Variants in SPAG17 observed in about 807,000 individuals in gnomAD.
The protein encoded by SPAG17 is sperm-associated antigen 17.
SPAG17 carries 169 observed loss-of-function variants against 273.6 expected under a neutral mutation model. That is an observed-to-expected ratio of 0.62 (90% CI 0.55 to 0.70). SPAG17 has a LOEUF of 0.70. SPAG17 is among the 30% of genes least tolerant of loss of function. The pLI is 0.00. For missense variants in SPAG17, 2,557 were observed against 2,627.8 expected, an observed-to-expected ratio of 0.97 and a Z score of 0.59; for synonymous variants, 825 against 873.2, an observed-to-expected ratio of 0.94 and a Z score of 0.97.
chr1:118,146,738 AT>A (rs1659015229), intron 3 of SPAG17, among the ~76,000 whole-genome samples: 1 of 152,194 alleles, frequency 6.6e-6, no homozygotes, highest in South Asian at 2.1e-4. Context: ...ACTTGGTGCT[AT>A]AGGTTTACCT....
In SPAG17 at chr1:118,111,636, C is replaced by CTG. The variant is rs577774980; in HGVS notation, c.447+3672_447+3673dup. Among the ~76,000 whole-genome samples, 18 of 149,128 alleles carry CTG rather than the reference C, an allele frequency of 1.2e-4. No individual in the cohort carries two copies. In the South Asian group the frequency reaches 3.8e-3, roughly 31 times the overall value. On this transcript the variant is annotated intron_variant, in intron 4 of 48. Coordinates refer to ENST00000336338, the MANE Select transcript of SPAG17 (RefSeq NM_206996.4). Reference sequence around the variant, plus strand: ...GGTTTCCAGTGTTTCGGAGTTTGGACTGGAGGAAGCTGGAAGGTGTCTGTG... The same window carrying CTG: ...GGTTTCCAGTGTTTCGGAGTTTGGACTGTGGAGGAAGCTGGAAGGTGTCTGTG...
At chr1:118,025,477 T>C (rs1647638230) in intron 26 of SPAG17, 61 bp from the exon 27 acceptor site, 2 of 1,156,214 alleles carry the variant, frequency 1.7e-6, no homozygotes, top group Admixed American at 2.7e-5. Context: ...GATTTTATCA[T>C]CTTGCTTAAT....
chr1:118,160,750 T>C (rs1018276192), intron 1 of SPAG17, among the ~76,000 whole-genome samples: 4 of 152,210 alleles, frequency 2.6e-5, no homozygotes, highest in African/African-American at 9.7e-5. Flanking sequence ...TCTCATAATA[T>C]CCCTAATATC....
intron 20 of SPAG17, among the ~76,000 whole-genome samples, chr1:118,043,432 A>C (rs1450912780): frequency 6.6e-6 from 1 of 152,202 alleles, no homozygotes; most frequent in African/African-American, 2.4e-5. Flanking sequence ...AATTATATAA[A>C]TTTGCAATTA....
intron 20 of SPAG17, among the ~76,000 whole-genome samples, chr1:118,047,981 G>A (rs943684641): frequency 6.6e-6 from 1 of 152,016 alleles, no homozygotes; most frequent in African/African-American, 2.4e-5. Flanking sequence ...CACTGGGCTG[G>A]TTCCTGTGAA....
At chr1:118,083,667 C>T (rs979706000) in intron 13 of SPAG17, among the ~76,000 whole-genome samples, 3 of 152,086 alleles carry the variant, frequency 2.0e-5, no homozygotes, top group East Asian at 1.9e-4. Flanking sequence ...CGCCTGTAAT[C>T]CCAGCTACTT....
chr1:117,980,246 T>A (rs1019961881), intron 43 of SPAG17, among the ~76,000 whole-genome samples: 14 of 152,126 alleles, frequency 9.2e-5, no homozygotes, highest in Admixed American at 2.0e-4. Flanking sequence ...TCTTTTCTTT[T>A]TTTGGGATGG....
At chr1:118,161,824 G>A (rs1377813847) in intron 1 of SPAG17, among the ~76,000 whole-genome samples, 2 of 152,130 alleles carry the variant, frequency 1.3e-5, no homozygotes, top group Non-Finnish European at 2.9e-5. Flanking sequence ...CGTGAGCCAC[G>A]GCGTCCGGCC....
chr1:118,093,367 G>T, intron 7 of SPAG17, 50 bp from the exon 8 acceptor site: 2 of 1,529,492 alleles, frequency 1.3e-6, no homozygotes, highest in South Asian at 2.4e-5. Context: ...TACACTGTTG[G>T]AATCAGATAT....
chr1:118,072,688 G>A, intron 17 of SPAG17, among the ~76,000 whole-genome samples: 1 of 152,186 alleles, frequency 6.6e-6, no homozygotes, highest in Non-Finnish European at 1.5e-5. Flanking sequence ...CAGTTCAGCT[G>A]TGAATAGCAC....
rs147155176 is a variant in SPAG17 at position 118,135,966 on chromosome 1, G to A, written c.315+14577C>T. 1.9e-3 allele frequency among the ~76,000 whole-genome samples: 283 copies of A among 152,256 alleles called. 3 individuals carry two copies. Among genetic ancestry groups the A allele is most frequent in the African/African-American group, 6.4e-3 (266 of 41,546 alleles). On this transcript the variant is annotated intron_variant, in intron 3 of 48. Transcript: ENST00000336338. ...AGTCAGAATGACTGGGTTCCATTGC[G>A]AGGTACTGTCATTAATAACTGCAGG...
At chr1:118,149,509 G>A (rs1442609065) in intron 3 of SPAG17, among the ~76,000 whole-genome samples, 1 of 152,092 alleles carries the variant, frequency 6.6e-6, no homozygotes, top group Non-Finnish European at 1.5e-5. Flanking sequence ...CACACATTCG[G>A]AACATTATAA....
intron 3 of SPAG17, among the ~76,000 whole-genome samples, chr1:118,136,392 A>C (rs1310545091): frequency 1.3e-5 from 2 of 152,212 alleles, no homozygotes; most frequent in Non-Finnish European, 2.9e-5. Flanking sequence ...ATGCATGTAC[A>C]TCCCCTCAGG....
intron 18 of SPAG17, among the ~76,000 whole-genome samples, chr1:118,064,280 T>C (rs1652697485): frequency 6.6e-6 from 1 of 152,044 alleles, no homozygotes; most frequent in Non-Finnish European, 1.5e-5. Flanking sequence ...TAAAGACACA[T>C]GCACACGTAT....
At chr1:117,964,782 A>G (rs1653599123) in intron 47 of SPAG17, 1 of 152,226 alleles carries the variant, frequency 6.6e-6, no homozygotes, top group African/African-American at 2.4e-5. Context: ...AACTTCATTT[A>G]TTGACATCAG....
intron 1 of SPAG17, among the ~76,000 whole-genome samples, chr1:118,177,127 A>T (rs529720202): frequency 6.6e-6 from 1 of 152,340 alleles, no homozygotes; most frequent in South Asian, 2.1e-4. Context: ...CTTAATAATT[A>T]TACTAGTCAA....
chr1:117,992,496 C>T lies in SPAG17; in HGVS notation c.5331G>A (p.Glu1777=). The T allele has an allele frequency of 1.9e-6, 3 of 1,611,860 alleles. No individual in the cohort carries two copies. The highest frequency in any genetic ancestry group is 2.5e-6 in the Non-Finnish European group (3 of 1,179,208). The change falls in exon 36 of 49, where the codon GAG becomes GAA. Residue 1777 remains glutamate, a synonymous_variant. Coordinates refer to ENST00000336338, the MANE Select transcript of SPAG17 (RefSeq NM_206996.4). ...QFIQHEVIKN[E]VKLRLQVSLK... ...GGGAAACCTGCAGCCTCAGTTTCACCTCATTCTTTATGACCTCATGCTGAA... is the reference window on the plus strand; with the variant it reads ...GGGAAACCTGCAGCCTCAGTTTCACTTCATTCTTTATGACCTCATGCTGAA...
At chr1:118,117,333 C>T (rs1251431804) in intron 3 of SPAG17, among the ~76,000 whole-genome samples, 2 of 152,092 alleles carry the variant, frequency 1.3e-5, no homozygotes, top group Non-Finnish European at 2.9e-5. Flanking sequence ...GTGAAGCCTG[C>T]CTGGTGTCAT....
At chr1:118,166,814 A>G (rs1255425302) in intron 1 of SPAG17, among the ~76,000 whole-genome samples, 1 of 152,208 alleles carries the variant, frequency 6.6e-6, no homozygotes, top group Non-Finnish European at 1.5e-5. Context: ...TTTACATAAA[A>G]TATTTAAAGC....
Sources: gnomAD v4.1 joint callset for allele counts (sites outside exome capture counted in the v4.1 genomes callset) on GRCh38, gnomAD v4.1.1 for gene constraint, MANE v1.5 for transcripts, NCBI Gene and HGNC (gene_info 2026-07-23, HGNC 2026-07-21) for gene names.